Variants in PTPRG observed in about 807,000 individuals in gnomAD.
PTPRG encodes the protein protein tyrosine phosphatase receptor type G.
PTPRG carries 102 observed loss-of-function variants against 165.3 expected under a neutral mutation model. The ratio of observed to expected loss-of-function variants is 0.62; its 90% confidence interval spans 0.53 to 0.73. PTPRG has a LOEUF of 0.73. Ranked by LOEUF, PTPRG falls within the 30% of genes least tolerant of loss-of-function variation. The pLI is 0.00. For synonymous variants in PTPRG, 675 were observed against 669.5 expected, an observed-to-expected ratio of 1.01 and a Z score of -0.13; for missense variants, 1,866 against 1,861.4, an observed-to-expected ratio of 1.00 and a Z score of -0.05.
rs114489534 is a variant in PTPRG, at chr3:61,906,314, G to A, written c.191-83311G>A. ...CTAAAAATAAAAAAAAAATTAGCCG[G>A]GTGTGATGGTGTGCACCTTTAATCC... On this transcript the variant is annotated intron_variant, in intron 2 of 29. Coordinates refer to ENST00000474889, the MANE Select transcript of PTPRG (RefSeq NM_002841.4). Among the ~76,000 whole-genome samples, 1,470 of 151,664 alleles carry A rather than the reference G, an allele frequency of 9.7e-3. 14 individuals carry two copies. Among genetic ancestry groups the A allele is most frequent in the Non-Finnish European group, 0.015 (1,024 of 67,906 alleles).
chr3:62,223,023 C>G (rs1478687151), intron 13 of PTPRG, among the ~76,000 whole-genome samples: 1 of 152,044 alleles, frequency 6.6e-6, no homozygotes, highest in Non-Finnish European at 1.5e-5. Context: ...GAACCACAAC[C>G]AGCTGTCAGC....
chr3:62,058,634 A>G (rs1411605364), intron 4 of PTPRG, among the ~76,000 whole-genome samples: 1 of 152,098 alleles, frequency 6.6e-6, no homozygotes, highest in Non-Finnish European at 1.5e-5. Flanking sequence ...CTGAGTATGT[A>G]GGCCGTGGGT....
At chr3:61,809,521 A>G (rs1034039281) in intron 2 of PTPRG, among the ~76,000 whole-genome samples, 1 of 152,104 alleles carries the variant, frequency 6.6e-6, no homozygotes, top group Non-Finnish European at 1.5e-5. Flanking sequence ...GTTGAAAAAC[A>G]TGAGGCTTTA....
Position 62,203,828 on chromosome 3 carries a change from C to T in PTPRG, c.2033C>T (p.Pro678Leu), listed in dbSNP as rs763990193. 1 of 1,614,108 alleles carries T rather than the reference C, an allele frequency of 6.2e-7. No homozygotes were observed. The highest frequency in any genetic ancestry group is 8.5e-7 in the Non-Finnish European group (1 of 1,180,024). ...ATGGTCACCTCCACCCAAGTGCCCC[C>T]CACCGCCACAGAGGAGCAGTATGCA... ...PDMVTSTQVP[P>L]TATEEQYAGS... The change falls in exon 12 of 30, where the codon CCC becomes CTC. Residue 678 changes from proline to leucine, a missense_variant. This residue lies in a region of PTPRG where 1,452 missense variants were observed against 1,463.0 expected (regional missense o/e 0.99). Coordinates refer to ENST00000474889, the MANE Select transcript of PTPRG (RefSeq NM_002841.4). The surrounding 1 kb of genome is among the most constrained non-coding windows in gnomAD (Gnocchi z 6.4).
intron 28 of PTPRG, among the ~76,000 whole-genome samples, chr3:62,285,410 G>A (rs1479541118): frequency 2.0e-5 from 3 of 150,786 alleles, no homozygotes; most frequent in East Asian, 3.9e-4. Flanking sequence ...AGGCCTGCAC[G>A]CATTTGATCT....
rs1559583390 is a variant in PTPRG at position 61,738,308 on chromosome 3, A to ATG, written c.86-10569_86-10568insGT. Among the ~76,000 whole-genome samples, 9 of 76,480 alleles carry ATG rather than the reference A, an allele frequency of 1.2e-4. 1 individual carries two copies. The East Asian group carries it at 3.7e-3, about 32-fold the overall frequency. 50.2% of individuals were successfully genotyped at this position (76,480 alleles called of 152,430 possible). On this transcript the variant is annotated intron_variant, in intron 1 of 29. Transcript: ENST00000474889. ...TATATATATATATATATATATATAT[A>ATG]TATACATATATATATATATATATAT...
At chr3:62,036,711 G>A (rs775106781) in intron 4 of PTPRG, among the ~76,000 whole-genome samples, 1 of 152,140 alleles carries the variant, frequency 6.6e-6, no homozygotes, top group African/African-American at 2.4e-5. Flanking sequence ...TGAGATTTTG[G>A]TCCAAAAGGA....
At chr3:62,106,766 G>A (rs1198169831) in intron 5 of PTPRG, among the ~76,000 whole-genome samples, 1 of 152,112 alleles carries the variant, frequency 6.6e-6, no homozygotes. Context: ...GCAGTCTTGT[G>A]TTTCATCTGG....
At chr3:61,781,684 A>G (rs573315441) in intron 2 of PTPRG, among the ~76,000 whole-genome samples, 97 of 152,276 alleles carry the variant, frequency 6.4e-4, no homozygotes, top group Non-Finnish European at 1.1e-3. Context: ...TGATTTTTCA[A>G]TTGAATTATT....
chr3:62,197,673 T>C (rs551622100), intron 10 of PTPRG, among the ~76,000 whole-genome samples: 1 of 152,306 alleles, frequency 6.6e-6, no homozygotes, highest in Non-Finnish European at 1.5e-5. Context: ...AGGCCTCCTA[T>C]GTGCTCCATC....
chr3:61,572,630 C>T (rs1700083360), intron 1 of PTPRG, among the ~76,000 whole-genome samples: 1 of 152,170 alleles, frequency 6.6e-6, no homozygotes, highest in South Asian at 2.1e-4. Flanking sequence ...CTGTTCTAGG[C>T]ACTGGGGGAG....
chr3:61,606,595 A>T (rs998250955), intron 1 of PTPRG, among the ~76,000 whole-genome samples: 3 of 152,180 alleles, frequency 2.0e-5, no homozygotes, highest in Admixed American at 6.5e-5. Flanking sequence ...CAACCAGGTA[A>T]CTTATAAAGA....
chr3:62,036,969 G>C (rs550102416), intron 4 of PTPRG, among the ~76,000 whole-genome samples: 1 of 117,054 alleles, frequency 8.5e-6, no homozygotes, highest in Admixed American at 9.8e-5. Flanking sequence ...AGTGCTGCAC[G>C]TGCGCGCGCG....
intron 1 of PTPRG, among the ~76,000 whole-genome samples, chr3:61,580,547 G>A (rs1231069325): frequency 1.3e-5 from 2 of 152,096 alleles, no homozygotes; most frequent in Non-Finnish European, 2.9e-5. Flanking sequence ...ATGTGGGCCA[G>A]GATGGTGTCC....
intron 2 of PTPRG, among the ~76,000 whole-genome samples, chr3:61,985,459 T>C (rs749099172): frequency 6.6e-6 from 1 of 152,238 alleles, no homozygotes; most frequent in Non-Finnish European, 1.5e-5. Flanking sequence ...GGGCAGCACT[T>C]ACTGAACTTT....
intron 1 of PTPRG, among the ~76,000 whole-genome samples, chr3:61,717,949 G>A (rs558884974): frequency 6.6e-6 from 1 of 152,156 alleles, no homozygotes; most frequent in East Asian, 1.9e-4. Flanking sequence ...GGAGGCCAAG[G>A]TGGGTGGATC....
At chr3:61,631,841 C>T (rs1701781746) in intron 1 of PTPRG, among the ~76,000 whole-genome samples, 2 of 152,056 alleles carry the variant, frequency 1.3e-5, no homozygotes, top group African/African-American at 4.8e-5. Flanking sequence ...CAGATATAAA[C>T]AAGATGTGGA....
chr3:61,620,328 T>C (rs370979162), intron 1 of PTPRG, among the ~76,000 whole-genome samples: 1 of 152,226 alleles, frequency 6.6e-6, no homozygotes, highest in African/African-American at 2.4e-5. Flanking sequence ...AAAAATTTTA[T>C]GTTTCAAAAT....
chr3:62,102,856 C>T (rs910253480), intron 5 of PTPRG, among the ~76,000 whole-genome samples: 6 of 150,934 alleles, frequency 4.0e-5, no homozygotes, highest in African/African-American at 1.2e-4. Flanking sequence ...TTACAGGGCA[C>T]CTACCAGTAA....
Sources: allele counts gnomAD v4.1 joint callset (sites outside exome capture counted in the v4.1 genomes callset), GRCh38; gene constraint gnomAD v4.1.1; regional missense constraint gnomAD v4.1.1; non-coding constraint Gnocchi (gnomAD v3.1); transcripts MANE v1.5; gene names NCBI Gene and HGNC (gene_info 2026-07-23, HGNC 2026-07-21).